ZCCHC7: variants seen among roughly 807,000 people sequenced by gnomAD.
ZCCHC7 encodes zinc finger CCHC-type containing 7.
ZCCHC7 carries 35 observed loss-of-function variants against 52.0 expected under a neutral mutation model. The observed-to-expected ratio is 0.67, with a 90% CI of 0.51 to 0.89. ZCCHC7 has a LOEUF of 0.89. Ranked by LOEUF, ZCCHC7 falls within the 40% of genes least tolerant of loss-of-function variation. ZCCHC7 has a pLI of 0.00. For missense variants in ZCCHC7, 574 were observed against 649.1 expected (o/e 0.88, Z 1.26); for synonymous variants, 217 against 221.5 (o/e 0.98, Z 0.18).
At chr9:37,308,534 A>G (rs931254639) in intron 5 of ZCCHC7, among the ~76,000 whole-genome samples, 1 of 152,192 alleles carries the variant, frequency 6.6e-6, no homozygotes, top group Non-Finnish European at 1.5e-5. Flanking sequence ...CATTCCTCTT[A>G]ACTTCTTGAT....
chr9:37,356,053 G>A (rs185989774), intron 8 of ZCCHC7, among the ~76,000 whole-genome samples: 60 of 151,776 alleles, frequency 4.0e-4, no homozygotes, highest in African/African-American at 8.2e-4. Flanking sequence ...TAGTTGTATC[G>A]ACGTCTGTAG....
intron 2 of ZCCHC7, among the ~76,000 whole-genome samples, chr9:37,130,665 T>C (rs1842744255): frequency 6.6e-6 from 1 of 151,636 alleles, no homozygotes; most frequent in South Asian, 2.1e-4. Context: ...GCTAATTTTT[T>C]GTATTTTTTT....
intron 7 of ZCCHC7, among the ~76,000 whole-genome samples, chr9:37,351,027 C>T (rs1363072956): frequency 6.6e-6 from 1 of 152,070 alleles, no homozygotes; most frequent in East Asian, 1.9e-4. Flanking sequence ...TGAATTCCAA[C>T]TATGACACAT....
chr9:37,265,368 C>T (rs1449508945), intron 2 of ZCCHC7, among the ~76,000 whole-genome samples: 1 of 152,056 alleles, frequency 6.6e-6, no homozygotes, highest in Non-Finnish European at 1.5e-5. Context: ...TTCTTACTTC[C>T]TAGGATCAGC....
chr9:37,327,429 A>G (rs561872295), intron 5 of ZCCHC7: 8 of 189,874 alleles, frequency 4.2e-5, no homozygotes, highest in Non-Finnish European at 8.6e-5. Context: ...TCTTACTACC[A>G]AAGTTCAAAA....
rs34991780 is a variant in ZCCHC7 at position 37,350,135 on chromosome 9, G to GT, written c.1083+693dup. ...TTGGGGTTTGTTTTTTTTTTTTTTG[G>GT]TTTTTTTTTTGAGACGGAGTTTCAC... On this transcript the variant is annotated intron_variant, in intron 7 of 8. Coordinates refer to ENST00000336755, the MANE Select transcript of ZCCHC7 (RefSeq NM_032226.3). Among the ~76,000 whole-genome samples the GT allele has an allele frequency of 6.2e-4, 80 of 129,838 alleles. 1 individual carries two copies. Among genetic ancestry groups the GT allele is most frequent in the Middle Eastern group, 4.4e-3 (1 of 228 alleles). 85.2% of individuals were successfully genotyped at this position (129,838 alleles called of 152,430 possible).
chr9:37,292,636 T>A (rs1162705180), intron 2 of ZCCHC7, among the ~76,000 whole-genome samples: 1 of 152,048 alleles, frequency 6.6e-6, no homozygotes, highest in Non-Finnish European at 1.5e-5. Context: ...ATGAACATGA[T>A]TTAGAAATAT....
intron 2 of ZCCHC7, among the ~76,000 whole-genome samples, chr9:37,144,078 T>C (rs1414448241): frequency 4.6e-5 from 7 of 151,888 alleles, no homozygotes; most frequent in African/African-American, 1.4e-4. Context: ...AGCCATACTT[T>C]AAATTGAAAG....
chr9:37,224,898 G>A (rs1453484625), intron 2 of ZCCHC7, among the ~76,000 whole-genome samples: 3 of 152,192 alleles, frequency 2.0e-5, no homozygotes, highest in African/African-American at 4.8e-5. Context: ...GTAGCGATCC[G>A]TGGAGCTCAT....
At chr9:37,231,566 A>G (rs148525497) in intron 2 of ZCCHC7, among the ~76,000 whole-genome samples, 2 of 152,350 alleles carry the variant, frequency 1.3e-5, no homozygotes, top group East Asian at 1.9e-4. Context: ...TAAAAAATTT[A>G]TAACTCAACA....
chr9:37,172,628 A>G (rs1303331197), intron 2 of ZCCHC7, among the ~76,000 whole-genome samples: 2 of 152,264 alleles, frequency 1.3e-5, no homozygotes, highest in Non-Finnish European at 2.9e-5. Context: ...TGAGTGAGCA[A>G]TATGGGCATT....
rs1350492591 is a variant in ZCCHC7, at chr9:37,345,970, G to T, written c.988-3387G>T. Among the ~76,000 whole-genome samples, 10 of 147,386 alleles carry T rather than the reference G, an allele frequency of 6.8e-5. No homozygotes were observed. The South Asian group carries it at 1.0e-3, about 15-fold the overall frequency. On this transcript the variant is annotated intron_variant, in intron 6 of 8. Transcript: ENST00000336755. Reference sequence around the variant, plus strand: ...GTTTGAAGTAGTTTTTTTTGTTTTGGTTTGGTTTGGTTTGGTTTGGTTTGG... The same window carrying T: ...GTTTGAAGTAGTTTTTTTTGTTTTGTTTTGGTTTGGTTTGGTTTGGTTTGG...
At chr9:37,347,956 TCTA>T (rs780277920) in intron 6 of ZCCHC7, among the ~76,000 whole-genome samples, 2 of 152,186 alleles carry the variant, frequency 1.3e-5, no homozygotes, top group Non-Finnish European at 2.9e-5. Context: ...AACCTTCCCT[TCTA>T]TGTCCATTTC....
chr9:37,234,259 C>G (rs1279738886), intron 2 of ZCCHC7, among the ~76,000 whole-genome samples: 1 of 152,202 alleles, frequency 6.6e-6, no homozygotes, highest in Non-Finnish European at 1.5e-5. Context: ...CAAGCATTAA[C>G]ACTAGCTCAT....
chr9:37,311,422 T>C lies in ZCCHC7; in HGVS notation c.951+5708T>C, dbSNP rs139370196. ...ACTTGATTCCTTTATTTATTTATTT[T>C]TATTTTTATCTTTGAAACAGAGTCT... On this transcript the variant is annotated intron_variant, in intron 5 of 8. Coordinates refer to ENST00000336755, the MANE Select transcript of ZCCHC7 (RefSeq NM_032226.3). Among the ~76,000 whole-genome samples, 1,366 of 152,078 alleles carry C rather than the reference T, an allele frequency of 9.0e-3. 12 individuals are homozygous for C. The highest frequency in any genetic ancestry group is 0.015 in the Non-Finnish European group (990 of 68,020).
chr9:37,177,506 C>G (rs1822104420), intron 2 of ZCCHC7, among the ~76,000 whole-genome samples: 1 of 152,034 alleles, frequency 6.6e-6, no homozygotes, highest in South Asian at 2.1e-4. Context: ...TGAGCCATAC[C>G]TACAGAGAGC....
intron 2 of ZCCHC7, among the ~76,000 whole-genome samples, chr9:37,279,175 TTTATTTGTTTCAAATGTATA>T: frequency 6.6e-6 from 1 of 152,232 alleles, no homozygotes; most frequent in East Asian, 1.9e-4. Context: ...TTTTATCCTC[TTTATTTGTTTCAAATGTATA>T]TGATGTTGAA....
At chr9:37,164,271 A>AT (rs1041264949) in intron 2 of ZCCHC7, among the ~76,000 whole-genome samples, 1 of 152,048 alleles carries the variant, frequency 6.6e-6, no homozygotes, top group African/African-American at 2.4e-5. Context: ...GCAAAACCCC[A>AT]TCTCTGTAAC....
chr9:37,156,991 G>A (rs972670705), intron 2 of ZCCHC7, among the ~76,000 whole-genome samples: 19 of 151,854 alleles, frequency 1.3e-4, no homozygotes. Flanking sequence ...ATCCTATAAG[G>A]TCAAAACTAT....
Sources: allele counts gnomAD v4.1 joint callset (sites outside exome capture counted in the v4.1 genomes callset), GRCh38; gene constraint gnomAD v4.1.1; transcripts MANE v1.5; gene names NCBI Gene and HGNC (gene_info 2026-07-23, HGNC 2026-07-21).